Variants in CFHR2 observed in about 807,000 individuals in gnomAD.
The protein encoded by CFHR2 is complement factor H related 2, also known as complement factor H-related protein 2.
Under a neutral mutation model 21.7 loss-of-function variants are expected in CFHR2, and 22 were observed. That is an observed-to-expected ratio of 1.01 (90% CI 0.72 to 1.45). The LOEUF is 1.45. Among genes scored for constraint, CFHR2 ranks in the 40% most tolerant of loss-of-function variants. The pLI is 0.00. For synonymous variants in CFHR2, 98 were observed against 97.4 expected (o/e 1.01, Z -0.04); for missense variants, 294 against 293.3 (o/e 1.00, Z -0.02).
intron 3 of CFHR2, 51 bp downstream of exon 3, chr1:196,951,079 G>A (rs565514740): frequency 2.7e-5 from 43 of 1,593,196 alleles, no homozygotes; most frequent in Middle Eastern, 3.3e-4. Flanking sequence ...AAGTGTAAAA[G>A]AAATAAATCT....
At chr1:196,944,541 C>T (rs1196898675) in intron 1 of CFHR2, among the ~76,000 whole-genome samples, 22 of 151,870 alleles carry the variant, frequency 1.4e-4, no homozygotes, top group African/African-American at 3.4e-4. Context: ...ATACTACAAA[C>T]GGCTTCTTAT....
intron 2 of CFHR2, 25 bp downstream of exon 2, chr1:196,949,674 A>G: frequency 6.2e-7 from 1 of 1,612,168 alleles, no homozygotes; most frequent in Non-Finnish European, 8.5e-7. Context: ...TGTTCATTAA[A>G]TGGATGTCAT....
In CFHR2 at chr1:196,958,027, A is replaced by G. The variant is rs1652962980; in HGVS notation, c.567A>G (p.Gln189=). 5.6e-6 allele frequency: 9 copies of G among 1,613,750 alleles called. No homozygotes were observed. The highest frequency in any genetic ancestry group is 7.6e-6 in the Non-Finnish European group (9 of 1,179,748). ...TGTATCAACTTGAGGGTAACAATCA[A>G]ATAACATGTAGAAACGGACAATGGT... ...QNLYQLEGNN[Q]ITCRNGQWSE... Residue 189 remains glutamine (Q), a synonymous_variant, in exon 4 of 5, where the codon CAA becomes CAG. Coordinates refer to ENST00000367415, the MANE Select transcript of CFHR2 (RefSeq NM_005666.4).
chr1:196,959,463 A>C lies in CFHR2; in HGVS notation c.*383A>C, dbSNP rs535753658. Among the ~76,000 whole-genome samples the C allele has an allele frequency of 6.6e-6, 1 of 151,946 alleles. No individual in the cohort carries two copies. The highest frequency in any genetic ancestry group is 1.5e-5 in the Non-Finnish European group (1 of 67,924). ...AGCATTAAATATTCTCCTTCCAGCT[A>C]TTTGGTACTTCATAGTATATTACTG... On this transcript the variant is annotated 3_prime_UTR_variant, in exon 5 of 5. Coordinates refer to ENST00000367415, the MANE Select transcript of CFHR2 (RefSeq NM_005666.4).
chr1:196,958,919 A>G lies in CFHR2; in HGVS notation c.652A>G (p.Asn218Asp), dbSNP rs766610279. ...ATCACAAGAAATTATGGAAAAATAT[A>G]ACATAAAATTAAAGTGGACAAACCA... ...VISQEIMEKY[N>D]IKLKWTNQQK... is the part of the protein sequence containing the mutation. Residue 218 changes from asparagine (N) to aspartate (D), a missense_variant, in exon 5 of 5, where the codon AAC becomes GAC. Asn to Asp is a conservative substitution (Grantham distance 23). Transcript: ENST00000367415. The G allele has an allele frequency of 6.3e-7, 1 of 1,596,530 alleles. No individual in the cohort carries two copies. Among genetic ancestry groups the G allele is most frequent in the Admixed American group, 1.7e-5 (1 of 59,708 alleles).
In CFHR2 at chr1:196,958,963, A is replaced by G. The variant is rs755784295; in HGVS notation, c.696A>G (p.Arg232=). 1 of 1,608,542 alleles carries G rather than the reference A, an allele frequency of 6.2e-7. No individual in the cohort carries two copies. Among genetic ancestry groups the G allele is most frequent in the East Asian group, 2.2e-5 (1 of 44,688 alleles). The part of the protein sequence containing the change: ...KWTNQQKLYS[R]TGDIVEFVCK... ...CAAACCAACAAAAGCTTTATTCAAG[A>G]ACAGGTGACATAGTTGAATTTGTTT... Residue 232 remains arginine (R), a synonymous_variant, in exon 5 of 5, where the codon AGA becomes AGG. Coordinates refer to ENST00000367415, the MANE Select transcript of CFHR2 (RefSeq NM_005666.4).
chr1:196,948,922 A>G (rs1558267524), intron 1 of CFHR2, among the ~76,000 whole-genome samples: 2 of 152,182 alleles, frequency 1.3e-5, no homozygotes, highest in Non-Finnish European at 2.9e-5. Flanking sequence ...CACTGAAACT[A>G]TATTAACTTT....
chr1:196,945,310 C>G (rs1659434887), intron 1 of CFHR2, among the ~76,000 whole-genome samples: 1 of 146,518 alleles, frequency 6.8e-6, no homozygotes, highest in Non-Finnish European at 1.5e-5. Flanking sequence ...ACCTATTACA[C>G]ATGGCATTAC....
intron 3 of CFHR2, among the ~76,000 whole-genome samples, chr1:196,954,947 G>T (rs984353612): frequency 6.6e-6 from 1 of 152,200 alleles, no homozygotes; most frequent in Non-Finnish European, 1.5e-5. Flanking sequence ...TCTCTGACAT[G>T]TCCTGGAGTC....
intron 1 of CFHR2, 100 bp from the exon 2 acceptor site, chr1:196,949,355 A>G: frequency 2.5e-6 from 3 of 1,218,026 alleles, no homozygotes; most frequent in Non-Finnish European, 3.4e-6. Context: ...CATTTAAGCT[A>G]AATGAAAGAA....
intron 1 of CFHR2, among the ~76,000 whole-genome samples, chr1:196,949,143 G>C (rs1340079730): frequency 6.6e-6 from 1 of 152,162 alleles, no homozygotes; most frequent in East Asian, 1.9e-4. Context: ...AGATTTGCTA[G>C]TCTTACACTC....
In CFHR2 at chr1:196,950,730, C is replaced by T. The variant is rs1659692718; in HGVS notation, c.254-122C>T. On this transcript the variant is annotated intron_variant, in intron 2 of 4. Transcript: ENST00000367415. The stretch of plus-strand genomic sequence containing the variant: ...TCAAATGATCCACTCACCTCAGCCT[C>T]CCAAAGTGCAGGGATTACCAGCTTG... 3.8e-5 allele frequency: 43 copies of T among 1,128,090 alleles called. No homozygotes were observed. In the South Asian group the frequency reaches 5.9e-4, roughly 15 times the overall value. The allele number at this position is 1,128,090 out of a possible 1,614,324, so 69.9% of individuals were successfully genotyped here. A position where few individuals can be genotyped will look rare whatever the true frequency, so the allele number is the denominator to read the frequency against.
At position 196,950,842 on chromosome 1, in the gene CFHR2, T is replaced by C. The variant is rs1389188602; in HGVS notation, c.254-10T>C. On this transcript the variant is annotated splice_polypyrimidine_tract_variant and intron_variant, in intron 2 of 4. Transcript: ENST00000367415. ...TCCATCTTGTCTATTAATCTGTTTTTGGTCTTTAGGACTGTGTTTCTTTCC... is the reference window on the plus strand; with the variant it reads ...TCCATCTTGTCTATTAATCTGTTTTCGGTCTTTAGGACTGTGTTTCTTTCC... The C allele has an allele frequency of 2.5e-6, 4 of 1,612,740 alleles. No individual in the cohort carries two copies. In the South Asian group the frequency reaches 4.4e-5, roughly 18 times the overall value.
chr1:196,954,695 C>T (rs997372364), intron 3 of CFHR2, among the ~76,000 whole-genome samples: 2 of 152,264 alleles, frequency 1.3e-5, no homozygotes, highest in African/African-American at 4.8e-5. Context: ...AACCTCAAAT[C>T]TTGTCTTCTG....
At chr1:196,948,439 C>A (rs1213425137) in intron 1 of CFHR2, among the ~76,000 whole-genome samples, 3 of 151,888 alleles carry the variant, frequency 2.0e-5, no homozygotes, top group Admixed American at 1.3e-4. Context: ...CCACACCTGG[C>A]TAATTTTTGT....
At chr1:196,949,798 C>A in intron 2 of CFHR2, 149 bp downstream of exon 2, 1 of 989,764 alleles carries the variant, frequency 1.0e-6, no homozygotes, top group Non-Finnish European at 1.5e-6. Flanking sequence ...TTTGAGATGG[C>A]TCCTATGAGA....
intron 4 of CFHR2, 119 bp from the exon 5 acceptor site, chr1:196,958,762 T>A: frequency 1.5e-6 from 1 of 652,366 alleles, no homozygotes; most frequent in Non-Finnish European, 2.6e-6. Context: ...CAGCATTAGT[T>A]TGGAAAGGAT....
At chr1:196,950,429 G>T (rs1659680754) in intron 2 of CFHR2, among the ~76,000 whole-genome samples, 1 of 151,910 alleles carries the variant, frequency 6.6e-6, no homozygotes, top group African/African-American at 2.4e-5. Flanking sequence ...TTTGATTTCA[G>T]CTTTGAAAGC....
chr1:196,947,676 A>C (rs1374172850), intron 1 of CFHR2, among the ~76,000 whole-genome samples: 3 of 152,216 alleles, frequency 2.0e-5, no homozygotes, highest in Admixed American at 2.0e-4. Context: ...CATCTTCCAA[A>C]TAAGGTGAAA....
Sources: allele counts gnomAD v4.1 joint callset (sites outside exome capture counted in the v4.1 genomes callset), GRCh38; gene constraint gnomAD v4.1.1; transcripts MANE v1.5; gene names NCBI Gene and HGNC (gene_info 2026-07-23, HGNC 2026-07-21).